Variants in ERCC1 observed in about 807,000 individuals in gnomAD.
ERCC1 encodes DNA excision repair protein ERCC-1.
Under a neutral mutation model 37.6 loss-of-function variants are expected in ERCC1, and 36 were observed. The observed-to-expected ratio is 0.96, with a 90% confidence interval of 0.73 to 1.26. The LOEUF (loss-of-function observed/expected upper bound fraction) is 1.26, where lower values mean the gene tolerates loss of function less well. Among genes scored for constraint, ERCC1 ranks in the 50% most tolerant of loss-of-function variants. ERCC1 has a pLI of 0.00. For missense variants in ERCC1, 349 were observed against 376.5 expected (o/e 0.93, Z 0.60); for synonymous variants, 156 against 162.1 (o/e 0.96, Z 0.28).
Position 45,446,764 on chromosome 19 carries a change from C to T in ERCC1, c.-7-23383G>A, listed in dbSNP as rs140201333. ...ACTGTAATCCCGGAACTTTGGGAGG[C>T]CAAGGCGGGCAGATCACGAGGTCAG... On this transcript the variant is annotated intron_variant, in intron 1 of 8. Coordinates refer to the ERCC1 transcript ENST00000423698. Among the ~76,000 whole-genome samples the T allele has an allele frequency of 5.2e-3, 796 of 152,208 alleles. 8 individuals are homozygous for T. The highest frequency in any genetic ancestry group is 0.051 in the Middle Eastern group (15 of 294).
In ERCC1 at chr19:45,407,737, G is replaced by C. The variant is rs1973429797; in HGVS notation, c.*1938C>G. On this transcript the variant is annotated 3_prime_UTR_variant, in exon 10 of 10. Coordinates refer to ENST00000300853, the MANE Select transcript of ERCC1 (RefSeq NM_001983.4). ...GTGCCTAGCTACTCACTTTAAGATG[G>C]AGTCACTCTAGTCATGTTTTATTAA... The C allele has an allele frequency of 4.0e-6, 1 of 248,900 alleles. No individual in the cohort carries two copies. Among genetic ancestry groups the C allele is most frequent in the Non-Finnish European group, 7.7e-6 (1 of 129,160 alleles). 15.4% of individuals were successfully genotyped at this position (248,900 alleles called of 1,614,324 possible).
At chr19:45,416,275 A>C (rs939738344) in intron 6 of ERCC1, among the ~76,000 whole-genome samples, 1 of 152,258 alleles carries the variant, frequency 6.6e-6, no homozygotes, top group African/African-American at 2.4e-5. Flanking sequence ...CAGCACACAA[A>C]GTGTTTGTAC....
At chr19:45,417,105 AAAG>A (rs902428176) in intron 5 of ERCC1, among the ~76,000 whole-genome samples, 19 of 152,110 alleles carry the variant, frequency 1.2e-4, no homozygotes, top group South Asian at 2.1e-4. Flanking sequence ...TCAAAAAAAA[AAAG>A]AAGAACAAAA....
chr19:45,429,705 G>A (rs1019425478), intron 1 of ERCC1, among the ~76,000 whole-genome samples: 2 of 152,082 alleles, frequency 1.3e-5, no homozygotes, highest in African/African-American at 4.8e-5. Flanking sequence ...TCCCTAGAAT[G>A]TTCTTCCTTG....
chr19:45,431,516 A>T (rs1171897905), intron 1 of ERCC1, among the ~76,000 whole-genome samples: 1 of 152,186 alleles, frequency 6.6e-6, no homozygotes, highest in Non-Finnish European at 1.5e-5. Context: ...ATCTCTACTA[A>T]AAATACAAAA....
At chr19:45,435,779 T>C (rs1299846763) in intron 1 of ERCC1, among the ~76,000 whole-genome samples, 1 of 151,950 alleles carries the variant, frequency 6.6e-6, no homozygotes, top group South Asian at 2.1e-4. Context: ...CTTTTTTTTT[T>C]AGATGGAGTC....
chr19:45,417,135 A>G lies in ERCC1; in HGVS notation c.526-238T>C, dbSNP rs3212966. On this transcript the variant is annotated intron_variant, in intron 5 of 9. Transcript: ENST00000300853. ...AGAACAAAAAAAGAATTAAAGCCTGAAAACACAGTAGCTCAGGATGCCAAG... is the reference window on the plus strand; with the variant it reads ...AGAACAAAAAAAGAATTAAAGCCTGGAAACACAGTAGCTCAGGATGCCAAG... Among the ~76,000 whole-genome samples, 214 of 152,194 alleles carry G rather than the reference A, an allele frequency of 1.4e-3. 1 individual carries two copies. The highest frequency in any genetic ancestry group is 4.7e-3 in the African/African-American group (194 of 41,532).
At chr19:45,439,653 ACTC>A (rs1975066587) in intron 1 of ERCC1, among the ~76,000 whole-genome samples, 1 of 151,266 alleles carries the variant, frequency 6.6e-6, no homozygotes, top group Admixed American at 6.6e-5. Context: ...CCTGCCCAAA[ACTC>A]CGCCGTCGGC....
intron 2 of ERCC1, 55 bp downstream of exon 2, chr19:45,423,215 C>A: frequency 6.5e-7 from 1 of 1,539,042 alleles, no homozygotes; most frequent in Middle Eastern, 1.7e-4. Flanking sequence ...CCATCCTATC[C>A]TCTTCGTCCT....
upstream of ERCC1, among the ~76,000 whole-genome samples, chr19:45,426,369 A>G (rs1376879650): frequency 9.6e-6 from 1 of 104,680 alleles, no homozygotes; most frequent in African/African-American, 4.5e-5. Flanking sequence ...ACAGAGCCAG[A>G]CTCTGTCTCA....
upstream of ERCC1, among the ~76,000 whole-genome samples, chr19:45,425,182 G>A (rs1225450810): frequency 6.7e-6 from 1 of 148,854 alleles, no homozygotes; most frequent in Admixed American, 6.7e-5. Flanking sequence ...TGATCCTGAG[G>A]TCACTTTGTG....
Position 45,408,468 on chromosome 19 carries a change from C to T in ERCC1, c.*1207G>A, listed in dbSNP as rs989012744. On this transcript the variant is annotated 3_prime_UTR_variant, in exon 10 of 10. Coordinates refer to ENST00000300853, the MANE Select transcript of ERCC1 (RefSeq NM_001983.4). ...ACAGGGCCTAGGTCAGCCTTGGCCC[C>T]CAACCTGCTCACCTCAGGGAAGAAG... is the stretch of plus-strand genomic sequence containing the variant. 6.2e-7 allele frequency: 1 copy of T among 1,613,942 alleles called. No individual in the cohort carries two copies.
At chr19:45,438,711 G>A (rs1334053351) in intron 1 of ERCC1, among the ~76,000 whole-genome samples, 3 of 151,772 alleles carry the variant, frequency 2.0e-5, no homozygotes, top group Non-Finnish European at 4.4e-5. Flanking sequence ...GCTGGATCTC[G>A]GCTCAGCGTG....
intron 1 of ERCC1, among the ~76,000 whole-genome samples, chr19:45,443,015 GC>G (rs1975160376): frequency 6.6e-6 from 1 of 152,078 alleles, no homozygotes; most frequent in African/African-American, 2.4e-5. Context: ...GTCATGCCCC[GC>G]GGGGGGGATG....
At position 45,408,624 on chromosome 19, in the gene ERCC1, A is replaced by G. The variant is rs778011053; in HGVS notation, c.*1051T>C. 11 of 1,613,694 alleles carry G rather than the reference A, an allele frequency of 6.8e-6. No homozygotes were observed. Among genetic ancestry groups the G allele is most frequent in the Non-Finnish European group, 9.3e-6 (11 of 1,180,036 alleles). ...CGGAAGAAGAAGAAGAAAAAAAATC[A>G]GCAGCTGAAAGAACCAGAGGCAGCA... is the stretch of plus-strand genomic sequence containing the variant. On this transcript the variant is annotated 3_prime_UTR_variant, in exon 10 of 10. Coordinates refer to ENST00000300853, the MANE Select transcript of ERCC1 (RefSeq NM_001983.4).
At chr19:45,425,222 C>T (rs1409362578), upstream of ERCC1, among the ~76,000 whole-genome samples, 1 of 149,172 alleles carries the variant, frequency 6.7e-6, no homozygotes, top group African/African-American at 2.5e-5. Flanking sequence ...TTACAGTGCA[C>T]GGCTATAATG....
chr19:45,414,110 T>A, intron 7 of ERCC1, 76 bp from the exon 8 acceptor site: 1 of 1,198,434 alleles, frequency 8.3e-7, no homozygotes, highest in Non-Finnish European at 1.2e-6. Flanking sequence ...CAGGGCTGGG[T>A]CACAGCTGTG....
chr19:45,409,951 G>GCGCAATCT (rs1973607773), intron 9 of ERCC1: 1 of 189,494 alleles, frequency 5.3e-6, no homozygotes, highest in Non-Finnish European at 1.0e-5. Flanking sequence ...GAGTGCAGTG[G>GCGCAATCT]CGCAATCTCG....
At position 45,408,061 on chromosome 19, in the gene ERCC1, CAAAAA is replaced by C; in HGVS notation, c.*1609_*1613del. ...AGAGCAAGACTCTCTCAAAAAAAAA[CAAAAA>C]AAAAATCAAAAAACCTTCCCTCTCC... On this transcript the variant is annotated 3_prime_UTR_variant, in exon 10 of 10. Coordinates refer to ENST00000300853, the MANE Select transcript of ERCC1 (RefSeq NM_001983.4). 7.1e-7 allele frequency: 1 copy of C among 1,404,144 alleles called. No homozygotes were observed. 87.0% of individuals were successfully genotyped at this position (1,404,144 alleles called of 1,614,324 possible). A position where few individuals can be genotyped will look rare whatever the true frequency, so the allele number is the denominator to read the frequency against.
Sources: gnomAD v4.1 joint callset for allele counts (sites outside exome capture counted in the v4.1 genomes callset) on GRCh38, gnomAD v4.1.1 for gene constraint, MANE v1.5 for transcripts, NCBI Gene and HGNC (gene_info 2026-07-23, HGNC 2026-07-21) for gene names.